MOB1B: variants seen among roughly 807,000 people sequenced by gnomAD.
MOB1B encodes MOB1 Mps One Binder homolog B.
Under a neutral mutation model 24.4 loss-of-function variants are expected in MOB1B, and 19 were observed. The observed-to-expected ratio is 0.78, with a 90% confidence interval of 0.54 to 1.14. MOB1B has a LOEUF of 1.14. Among genes scored for constraint, MOB1B ranks in the 50% most tolerant of loss-of-function variants. The pLI, the probability that MOB1B is intolerant of heterozygous loss-of-function variation, is 0.00. For synonymous variants in MOB1B, 76 were observed against 82.1 expected (o/e 0.93, Z 0.40); for missense variants, 243 against 259.6 (o/e 0.94, Z 0.44).
At chr4:70,928,555 A>C (rs2148877645) in intron 1 of MOB1B, among the ~76,000 whole-genome samples, 1 of 152,108 alleles carries the variant, frequency 6.6e-6, no homozygotes, top group South Asian at 2.1e-4. Flanking sequence ...CAGCCTCCCA[A>C]AGTGCTGGAA....
At chr4:70,902,731 C>T (rs1324682291) in intron 1 of MOB1B, among the ~76,000 whole-genome samples, 181 bp downstream of exon 1, 1 of 152,162 alleles carries the variant, frequency 6.6e-6, no homozygotes, top group Admixed American at 6.5e-5. Context: ...CTAACCGCCG[C>T]CTCCCCATAG....
chr4:70,927,313 C>G (rs1413739641), intron 1 of MOB1B, among the ~76,000 whole-genome samples: 1 of 151,986 alleles, frequency 6.6e-6, no homozygotes, highest in Non-Finnish European at 1.5e-5. Flanking sequence ...CTAAGGTGGG[C>G]AGATCATCTG....
intron 1 of MOB1B, 36 bp downstream of exon 1, chr4:70,902,586 C>A: frequency 6.5e-7 from 1 of 1,539,348 alleles, no homozygotes; most frequent in Non-Finnish European, 8.7e-7. Context: ...CGGCTTTGTT[C>A]GGGTGGACCT....
Position 70,964,397 on chromosome 4 carries a change from A to G in MOB1B, c.181+5357A>G, listed in dbSNP as rs570959296. On this transcript the variant is annotated intron_variant, in intron 2 of 5. Transcript: ENST00000309395. ...AAAGCAGTAATAAACAGAAATCTGT[A>G]TATGTTTGGAAAAAGTAAATCTCAA... Among the ~76,000 whole-genome samples, 10 of 152,352 alleles carry G rather than the reference A, an allele frequency of 6.6e-5. No homozygotes were observed. In the South Asian group the frequency reaches 1.9e-3, roughly 28 times the overall value.
intron 1 of MOB1B, among the ~76,000 whole-genome samples, chr4:70,930,545 A>T (rs1578361914): frequency 6.6e-6 from 1 of 152,326 alleles, no homozygotes; most frequent in Admixed American, 6.5e-5. Context: ...ATTTTTGAGT[A>T]TTTACAAGTT....
Position 70,969,899 on chromosome 4 carries a change from T to C in MOB1B, c.182-32T>C, listed in dbSNP as rs765299958. On this transcript the variant is annotated intron_variant, in intron 2 of 5. Coordinates refer to ENST00000309395, the MANE Select transcript of MOB1B (RefSeq NM_173468.4). ...AATTTCATTTTAAATTTAGCCATTC[T>C]GTTTTACTTACAACTGATACTTGCT... The C allele has an allele frequency of 2.1e-4, 258 of 1,230,760 alleles. 2 individuals carry two copies. The highest frequency in any genetic ancestry group is 1.0e-3 in the South Asian group (75 of 74,734). The allele number at this position is 1,230,760 out of a possible 1,614,324, so 76.2% of individuals were successfully genotyped here. A position where few individuals can be genotyped will look rare whatever the true frequency, so the allele number is the denominator to read the frequency against.
chr4:70,902,452 T>C lies in MOB1B; in HGVS notation c.-85T>C. 7.0e-7 allele frequency: 1 copy of C among 1,432,994 alleles called. No homozygotes were observed. The highest frequency in any genetic ancestry group is 9.6e-7 in the Non-Finnish European group (1 of 1,039,706). The allele number at this position is 1,432,994 out of a possible 1,614,324, so 88.8% of individuals were successfully genotyped here. Reference sequence around the variant, plus strand: ...CCTCCTCCGCCTCCCTGTCTCCTGTTCCATTCGCCTTTCCTCTTCTTTCCT... The same window carrying C: ...CCTCCTCCGCCTCCCTGTCTCCTGTCCCATTCGCCTTTCCTCTTCTTTCCT... On this transcript the variant is annotated 5_prime_UTR_variant, in exon 1 of 6. Coordinates refer to ENST00000309395, the MANE Select transcript of MOB1B (RefSeq NM_173468.4).
intron 1 of MOB1B, among the ~76,000 whole-genome samples, chr4:70,909,778 G>T (rs1456706085): frequency 1.3e-5 from 2 of 151,794 alleles, no homozygotes; most frequent in Admixed American, 6.6e-5. Context: ...CCAGGCTGGA[G>T]TGCAGTGGCT....
At chr4:70,956,483 A>G (rs950116341) in intron 1 of MOB1B, among the ~76,000 whole-genome samples, 2 of 151,994 alleles carry the variant, frequency 1.3e-5, no homozygotes, top group Non-Finnish European at 2.9e-5. Context: ...CAGGCTGGAA[A>G]GCAGTGGCGT....
At chr4:70,903,686 C>T (rs1157933931) in intron 1 of MOB1B, among the ~76,000 whole-genome samples, 4 of 152,102 alleles carry the variant, frequency 2.6e-5, no homozygotes, top group Non-Finnish European at 5.9e-5. Context: ...ATTACATTGA[C>T]GTCTGAATAC....
Position 70,907,052 on chromosome 4 carries a change from G to A in MOB1B, c.14+4502G>A, listed in dbSNP as rs1000751920. 2.0e-5 allele frequency among the ~76,000 whole-genome samples: 3 copies of A among 152,178 alleles called. No homozygotes were observed. In the East Asian group the frequency reaches 5.8e-4, roughly 29 times the overall value. On this transcript the variant is annotated intron_variant, in intron 1 of 5. Coordinates refer to ENST00000309395, the MANE Select transcript of MOB1B (RefSeq NM_173468.4). The stretch of plus-strand genomic sequence containing the variant: ...CTCTCTAAGAAGACAAGGGGAAATG[G>A]GAGAGTACAGTCAGAGGAAACATCT...
intron 2 of MOB1B, among the ~76,000 whole-genome samples, chr4:70,967,008 G>A (rs539459065): frequency 6.6e-6 from 1 of 152,228 alleles, no homozygotes; most frequent in South Asian, 2.1e-4. Flanking sequence ...AGTAATAGAT[G>A]AGAACTTTCT....
At chr4:70,938,334 C>CA (rs71211984) in intron 1 of MOB1B, among the ~76,000 whole-genome samples, 2,127 of 6,308 alleles carry the variant, frequency 0.34, 896 homozygotes, top group Non-Finnish European at 0.49. Flanking sequence ...CCCCCCCCCC[C>CA]AAAAAAAAAA....
At chr4:70,911,304 A>C (rs145081624) in intron 1 of MOB1B, among the ~76,000 whole-genome samples, 167 of 151,998 alleles carry the variant, frequency 1.1e-3, no homozygotes, top group African/African-American at 4.0e-3. Context: ...TATCCTTATA[A>C]TATATTCTCC....
chr4:70,967,397 G>GT, intron 2 of MOB1B, among the ~76,000 whole-genome samples: 1 of 152,206 alleles, frequency 6.6e-6, no homozygotes, highest in East Asian at 1.9e-4. Context: ...GCCTCCCAAA[G>GT]TACTGGGATT....
intron 2 of MOB1B, among the ~76,000 whole-genome samples, chr4:70,961,462 T>G (rs1420810543): frequency 6.6e-6 from 1 of 152,190 alleles, no homozygotes; most frequent in Admixed American, 6.5e-5. Context: ...AATTTTCCAT[T>G]TAATATTTTC....
chr4:70,967,034 C>T (rs749509106), intron 2 of MOB1B, among the ~76,000 whole-genome samples: 2 of 151,956 alleles, frequency 1.3e-5, no homozygotes, highest in African/African-American at 2.4e-5. Flanking sequence ...TAAAGCATAC[C>T]TATTTGCAGA....
At chr4:70,961,427 A>T (rs1289410128) in intron 2 of MOB1B, among the ~76,000 whole-genome samples, 1 of 152,188 alleles carries the variant, frequency 6.6e-6, no homozygotes, top group African/African-American at 2.4e-5. Context: ...ACACAATTTA[A>T]AACTTATATA....
chr4:70,914,256 A>G (rs980106904), intron 1 of MOB1B, among the ~76,000 whole-genome samples: 6 of 152,208 alleles, frequency 3.9e-5, no homozygotes, highest in Non-Finnish European at 8.8e-5. Context: ...TAAATTATGC[A>G]GTCTGAGGTA....
Sources: allele counts gnomAD v4.1 joint callset (sites outside exome capture counted in the v4.1 genomes callset), GRCh38; gene constraint gnomAD v4.1.1; transcripts MANE v1.5; gene names NCBI Gene and HGNC (gene_info 2026-07-23, HGNC 2026-07-21).